TMOD3: variants seen among roughly 807,000 people sequenced by gnomAD.
The protein encoded by TMOD3 is tropomodulin-3.
Under a neutral mutation model 39.2 loss-of-function variants are expected in TMOD3, and 20 were observed. The observed-to-expected ratio is 0.51, with a 90% confidence interval of 0.36 to 0.74. TMOD3 has a LOEUF of 0.74. TMOD3 is among the 30% of genes least tolerant of loss of function. The pLI is 0.00. For synonymous variants in TMOD3, 143 were observed against 145.8 expected, an observed-to-expected ratio of 0.98 and a Z score of 0.14; for missense variants, 381 against 412.8, an observed-to-expected ratio of 0.92 and a Z score of 0.67.
chr15:51,840,755 C>T (rs564532857), intron 1 of TMOD3, among the ~76,000 whole-genome samples: 7 of 152,152 alleles, frequency 4.6e-5, no homozygotes, highest in East Asian at 1.9e-4. Context: ...TTTATTGTAC[C>T]GTGCTATTGA....
chr15:51,840,277 G>T (rs749926174), intron 1 of TMOD3, among the ~76,000 whole-genome samples: 1 of 152,100 alleles, frequency 6.6e-6, no homozygotes, highest in African/African-American at 2.4e-5. Flanking sequence ...CTCAGTCTCT[G>T]CGCTTAATTG....
At chr15:51,852,043 G>A (rs999303904) in intron 1 of TMOD3, among the ~76,000 whole-genome samples, 9 of 152,064 alleles carry the variant, frequency 5.9e-5, no homozygotes, top group Non-Finnish European at 1.3e-4. Flanking sequence ...TTGCTGTCTC[G>A]TATTACCTTC....
chr15:51,869,042 AAAG>A (rs2056461344), intron 2 of TMOD3, among the ~76,000 whole-genome samples, 172 bp from the exon 3 acceptor site: 2 of 152,204 alleles, frequency 1.3e-5, no homozygotes, highest in African/African-American at 2.4e-5. Flanking sequence ...ACCTAATAAA[AAAG>A]AAGTTTAATG....
intron 3 of TMOD3, chr15:51,875,196 C>A (rs2056495783): frequency 6.6e-6 from 1 of 152,116 alleles, no homozygotes; most frequent in Non-Finnish European, 1.5e-5. Flanking sequence ...CCAGAAAGAT[C>A]ATGATTATAA....
rs1438710633 is a variant in TMOD3 at position 51,910,966 on chromosome 15, C to G, written c.*2156C>G. 1 of 150,606 alleles carries G rather than the reference C, an allele frequency of 6.6e-6. No homozygotes were observed. Among genetic ancestry groups the G allele is most frequent in the African/African-American group, 2.4e-5 (1 of 41,028 alleles). 9.3% of individuals were successfully genotyped at this position (150,606 alleles called of 1,614,324 possible). A position where few individuals can be genotyped will look rare whatever the true frequency, so the allele number is the denominator to read the frequency against. On this transcript the variant is annotated 3_prime_UTR_variant, in exon 10 of 10. Coordinates refer to ENST00000308580, the MANE Select transcript of TMOD3 (RefSeq NM_014547.5). ...TCCTACCTTCTCTATTTACCTATTT[C>G]TCTCCCTCCCTCTCTTCTCCTCTCT...
intron 3 of TMOD3, among the ~76,000 whole-genome samples, chr15:51,877,462 G>A (rs1412553052): frequency 6.6e-6 from 1 of 152,024 alleles, no homozygotes; most frequent in Non-Finnish European, 1.5e-5. Context: ...GGTGGATCAC[G>A]AGGTCAGCAG....
intron 9 of TMOD3, among the ~76,000 whole-genome samples, chr15:51,905,472 G>A (rs1039244108): frequency 1.3e-5 from 2 of 151,326 alleles, no homozygotes; most frequent in African/African-American, 2.4e-5. Flanking sequence ...GGGCTACAGA[G>A]TGAGACTTTG....
chr15:51,895,572 A>G (rs925812553), intron 6 of TMOD3, among the ~76,000 whole-genome samples: 1 of 152,210 alleles, frequency 6.6e-6, no homozygotes, highest in South Asian at 2.1e-4. Context: ...CTAAATAAAC[A>G]GTAATCATCT....
At chr15:51,842,594 A>T (rs1432723200) in intron 1 of TMOD3, among the ~76,000 whole-genome samples, 7 of 152,126 alleles carry the variant, frequency 4.6e-5, no homozygotes, top group African/African-American at 1.7e-4. Context: ...TTCATTAGGC[A>T]TGAGGTTTTC....
chr15:51,835,913 C>T (rs1245965514), intron 1 of TMOD3, among the ~76,000 whole-genome samples: 1 of 152,054 alleles, frequency 6.6e-6, no homozygotes, highest in African/African-American at 2.4e-5. Context: ...TGAATGCTGT[C>T]TCCCTTAGGT....
At chr15:51,875,547 C>T (rs1391010791) in intron 3 of TMOD3, among the ~76,000 whole-genome samples, 1 of 151,826 alleles carries the variant, frequency 6.6e-6, no homozygotes, top group Non-Finnish European at 1.5e-5. Context: ...ATAACTACAC[C>T]CACTCTGGAT....
chr15:51,910,998 T>TC lies in TMOD3; in HGVS notation c.*2188_*2189insC, dbSNP rs1390699765. The TC allele has an allele frequency of 3.9e-5, 5 of 129,238 alleles. No individual in the cohort carries two copies. Among genetic ancestry groups the TC allele is most frequent in the South Asian group, 2.4e-4 (1 of 4,188 alleles). 8.0% of individuals were successfully genotyped at this position (129,238 alleles called of 1,614,324 possible). ...TCCCTCTCTTCTCCTCTCTTTTTTTTTCCCCGCATATGCAGCTTTTTGATT... is the reference window on the plus strand; with the variant it reads ...TCCCTCTCTTCTCCTCTCTTTTTTTTCTCCCCGCATATGCAGCTTTTTGATT... On this transcript the variant is annotated 3_prime_UTR_variant, in exon 10 of 10. Transcript: ENST00000308580.
At chr15:51,898,233 A>G (rs1253551425) in intron 7 of TMOD3, among the ~76,000 whole-genome samples, 5 of 152,170 alleles carry the variant, frequency 3.3e-5, no homozygotes, top group Non-Finnish European at 1.5e-5. Context: ...TGGACTCCCA[A>G]ATCAGGGCCT....
At chr15:51,859,432 G>T in intron 1 of TMOD3, 1 of 667,820 alleles carries the variant, frequency 1.5e-6, no homozygotes, top group South Asian at 1.4e-5. Flanking sequence ...TTTTCAAACT[G>T]AATCATTTTC....
At chr15:51,875,934 G>A (rs2056500769) in intron 3 of TMOD3, among the ~76,000 whole-genome samples, 1 of 151,968 alleles carries the variant, frequency 6.6e-6, no homozygotes, top group African/African-American at 2.4e-5. Context: ...ACTGCTTTTA[G>A]TTGTTTCAGA....
chr15:51,894,506 C>A (rs1436120632), intron 6 of TMOD3, among the ~76,000 whole-genome samples: 3 of 152,090 alleles, frequency 2.0e-5, no homozygotes, highest in Non-Finnish European at 4.4e-5. Context: ...TTTGTACAAC[C>A]ACCATTACAC....
chr15:51,881,422 C>A (rs941053347), intron 3 of TMOD3, among the ~76,000 whole-genome samples: 1 of 151,882 alleles, frequency 6.6e-6, no homozygotes, highest in African/African-American at 2.4e-5. Context: ...TATAATTTGC[C>A]CCACAAAAGT....
chr15:51,897,184 G>A (rs2056625033), intron 7 of TMOD3, among the ~76,000 whole-genome samples: 1 of 152,106 alleles, frequency 6.6e-6, no homozygotes, highest in South Asian at 2.1e-4. Context: ...GGCCCAGAAC[G>A]TGGTCCTTCT....
At chr15:51,853,247 G>A (rs1204519679) in intron 1 of TMOD3, among the ~76,000 whole-genome samples, 1 of 152,144 alleles carries the variant, frequency 6.6e-6, no homozygotes, top group African/African-American at 2.4e-5. Context: ...TGTCACCCAG[G>A]CTGGAGTGCA....
Sources: allele counts gnomAD v4.1 joint callset (sites outside exome capture counted in the v4.1 genomes callset), GRCh38; gene constraint gnomAD v4.1.1; transcripts MANE v1.5; gene names NCBI Gene and HGNC (gene_info 2026-07-23, HGNC 2026-07-21).